Variants in SOX6 observed in about 807,000 individuals in gnomAD.
SOX6 encodes transcription factor SOX-6.
A neutral mutation model predicts 97.8 loss-of-function variants in SOX6; 11 were observed. The observed-to-expected ratio is 0.11, with a 90% CI of 0.07 to 0.19. SOX6 has a LOEUF of 0.19. Among genes scored for constraint, SOX6 ranks in the 10% least tolerant of loss-of-function variants. The pLI is 1.00. For missense variants in SOX6, 810 were observed against 1,039.5 expected, an observed-to-expected ratio of 0.78 and a Z score of 3.04; for synonymous variants, 360 against 371.4, an observed-to-expected ratio of 0.97 and a Z score of 0.35.
intron 1 of SOX6, among the ~76,000 whole-genome samples, chr11:16,347,673 G>GA (rs1856806383): frequency 2.0e-5 from 3 of 152,008 alleles, no homozygotes. Context: ...CCAAGTACAG[G>GA]ATATCTTATC....
intron 1 of SOX6, among the ~76,000 whole-genome samples, chr11:16,418,815 T>G (rs780028056): frequency 2.0e-5 from 3 of 152,158 alleles, no homozygotes; most frequent in Non-Finnish European, 4.4e-5. Flanking sequence ...TGGCACCCGT[T>G]CACATAATGA....
intron 13 of SOX6, among the ~76,000 whole-genome samples, chr11:16,000,478 G>A (rs1564900953): frequency 6.6e-6 from 1 of 152,198 alleles, no homozygotes; most frequent in Non-Finnish European, 1.5e-5. Context: ...AGTGATTGTT[G>A]AATATATAAG....
intron 1 of SOX6, among the ~76,000 whole-genome samples, chr11:16,440,736 C>T (rs1859489295): frequency 6.6e-6 from 1 of 152,052 alleles, no homozygotes; most frequent in Admixed American, 6.5e-5. Flanking sequence ...CTCTATTTGT[C>T]TTCACTTTGG....
In SOX6 at chr11:16,238,921, C is replaced by T. The variant is rs562513632; in HGVS notation, c.446-4250G>A. Among the ~76,000 whole-genome samples the T allele has an allele frequency of 1.2e-4, 19 of 152,048 alleles. No homozygotes were observed. The South Asian group carries it at 3.9e-3, about 31-fold the overall frequency. The stretch of plus-strand genomic sequence containing the variant: ...GTAAAGCAATTCCTTTTATTTTTAC[C>T]ATAGGAATCATAAATTTCAAATGTA... On this transcript the variant is annotated intron_variant, in intron 3 of 15. Transcript: ENST00000683767.
chr11:16,142,351 T>C (rs916747802), intron 6 of SOX6, among the ~76,000 whole-genome samples: 3 of 152,114 alleles, frequency 2.0e-5, no homozygotes, highest in Non-Finnish European at 4.4e-5. Context: ...ACCCCATCTG[T>C]ACCTCACCAT....
intron 13 of SOX6, among the ~76,000 whole-genome samples, chr11:16,005,181 C>A (rs561804404): frequency 6.6e-6 from 1 of 152,060 alleles, no homozygotes; most frequent in Non-Finnish European, 1.5e-5. Context: ...CATGTAGTTA[C>A]TAAATAAACC....
intron 6 of SOX6, among the ~76,000 whole-genome samples, chr11:16,146,258 T>A (rs2134048565): frequency 6.6e-6 from 1 of 152,302 alleles, no homozygotes; most frequent in Middle Eastern, 3.4e-3. Flanking sequence ...GGGAAAGGAT[T>A]CCCTATTTAA....
chr11:16,429,845 A>G (rs957857923), intron 1 of SOX6, among the ~76,000 whole-genome samples: 1 of 152,144 alleles, frequency 6.6e-6, no homozygotes, highest in Non-Finnish European at 1.5e-5. Flanking sequence ...TAAATAAATA[A>G]GGTCTCCACC....
chr11:16,346,944 C>T (rs1414462668), intron 1 of SOX6, among the ~76,000 whole-genome samples: 3 of 152,100 alleles, frequency 2.0e-5, no homozygotes, highest in African/African-American at 7.2e-5. Context: ...ACAAGAACTA[C>T]CTGGAACAGA....
chr11:16,656,139 C>T (rs530957490), intron 3 of SOX6, among the ~76,000 whole-genome samples: 6 of 151,904 alleles, frequency 3.9e-5, no homozygotes, highest in South Asian at 2.1e-4. Context: ...AATACAGTGA[C>T]GCCATCTCAG....
intron 3 of SOX6, among the ~76,000 whole-genome samples, chr11:16,278,801 C>T: frequency 6.6e-6 from 1 of 151,978 alleles, no homozygotes; most frequent in South Asian, 2.1e-4. Context: ...TTAAATGAGG[C>T]TAGAATATAG....
At chr11:15,991,870 C>T (rs940741025) in intron 13 of SOX6, among the ~76,000 whole-genome samples, 1 of 152,202 alleles carries the variant, frequency 6.6e-6, no homozygotes, top group African/African-American at 2.4e-5. Context: ...CTCTCCCACA[C>T]ATGCTGTACC....
intron 4 of SOX6, among the ~76,000 whole-genome samples, chr11:16,524,723 C>G (rs983846255): frequency 6.6e-6 from 1 of 151,898 alleles, no homozygotes; most frequent in Non-Finnish European, 1.5e-5. Flanking sequence ...GATTGTATAT[C>G]TAGAAAACCC....
chr11:16,590,763 C>T (rs755130556), intron 4 of SOX6, among the ~76,000 whole-genome samples: 2 of 151,758 alleles, frequency 1.3e-5, no homozygotes, highest in Non-Finnish European at 2.9e-5. Flanking sequence ...AACAATTGAA[C>T]TCATGGAGAC....
intron 12 of SOX6, chr11:16,023,428 T>A (rs770466126): frequency 6.6e-6 from 1 of 152,184 alleles, no homozygotes; most frequent in Non-Finnish European, 1.5e-5. Context: ...TAATTTTACT[T>A]TTAAATAAAA....
intron 9 of SOX6, among the ~76,000 whole-genome samples, chr11:16,057,774 T>C (rs1847854835): frequency 6.6e-6 from 1 of 152,174 alleles, no homozygotes; most frequent in Non-Finnish European, 1.5e-5. Flanking sequence ...TATAGAATTC[T>C]AAGTTGAAAA....
intron 7 of SOX6, among the ~76,000 whole-genome samples, chr11:16,110,912 T>C (rs1794530022): frequency 6.6e-6 from 1 of 152,230 alleles, no homozygotes; most frequent in African/African-American, 2.4e-5. Flanking sequence ...CACGCAGATT[T>C]GTTGTACTCA....
At chr11:16,249,472 T>G (rs1853443836) in intron 3 of SOX6, among the ~76,000 whole-genome samples, 1 of 152,190 alleles carries the variant, frequency 6.6e-6, no homozygotes, top group South Asian at 2.1e-4. Flanking sequence ...AGAATTTTGG[T>G]CAAAGCCATT....
intron 4 of SOX6, among the ~76,000 whole-genome samples, chr11:16,498,234 G>A (rs1429499642): frequency 1.3e-5 from 2 of 151,878 alleles, no homozygotes; most frequent in African/African-American, 4.8e-5. Flanking sequence ...ATAAGTGAAG[G>A]AGAATTTACA....
Sources: allele counts gnomAD v4.1 joint callset (sites outside exome capture counted in the v4.1 genomes callset), GRCh38; gene constraint gnomAD v4.1.1; transcripts MANE v1.5; gene names NCBI Gene and HGNC (gene_info 2026-07-23, HGNC 2026-07-21).